The following DDHD1 variants were observed in gnomAD, a reference collection of about 807,000 sequenced individuals.
DDHD1 encodes DDHD domain containing 1, also known as phospholipase DDHD1.
Under a neutral mutation model 96.4 loss-of-function variants are expected in DDHD1, and 49 were observed. That is an observed-to-expected ratio of 0.51 (90% confidence interval 0.40 to 0.64). The LOEUF is 0.64. Among genes scored for constraint, DDHD1 ranks in the 30% least tolerant of loss-of-function variants. The pLI, the probability that DDHD1 is intolerant of heterozygous loss-of-function variation, is 0.00. For missense variants in DDHD1, 1,106 were observed against 1,161.2 expected (o/e 0.95, Z 0.69); for synonymous variants, 442 against 446.5 (o/e 0.99, Z 0.13).
At chr14:53,082,773 A>AAG (rs1555334486) in intron 4 of DDHD1, among the ~76,000 whole-genome samples, 16 of 151,662 alleles carry the variant, frequency 1.1e-4, no homozygotes, top group African/African-American at 2.4e-4. Context: ...AAAAAAAAAA[A>AAG]AAGACATGGG....
chr14:53,075,321 T>C (rs1001766580), intron 4 of DDHD1, among the ~76,000 whole-genome samples: 22 of 151,696 alleles, frequency 1.5e-4, no homozygotes, highest in African/African-American at 5.3e-4. Flanking sequence ...AATAAGAAAA[T>C]GAAAAAGCCT....
intron 11 of DDHD1, among the ~76,000 whole-genome samples, chr14:53,052,232 AG>A (rs1882651894): frequency 7.2e-5 from 11 of 152,052 alleles, no homozygotes; most frequent in Admixed American, 7.2e-4. Flanking sequence ...ATTATATGTT[AG>A]AAAAGAAGTC....
chr14:53,043,392 A>AGTGTGT lies in DDHD1; in HGVS notation c.*3370_*3375dup, dbSNP rs59747041. 0.25 allele frequency: 27,634 copies of AGTGTGT among 112,100 alleles called. 2,662 individuals are homozygous for AGTGTGT. The highest frequency in any genetic ancestry group is 0.39 in the East Asian group (1,372 of 3,548). The allele number at this position is 112,100 out of a possible 1,614,324, so 6.9% of individuals were successfully genotyped here. A position where few individuals can be genotyped will look rare whatever the true frequency, so the allele number is the denominator to read the frequency against. On this transcript the variant is annotated 3_prime_UTR_variant, in exon 13 of 13. Transcript: ENST00000673822. Reference sequence around the variant, plus strand: ...CAAAAGAGCAGTTATTAGAACATCCAGTGTGTGTGTGTGTGTGTGTGTGTG... The same window carrying AGTGTGT: ...CAAAAGAGCAGTTATTAGAACATCCAGTGTGTGTGTGTGTGTGTGTGTGTGTGTGTG...
intron 4 of DDHD1, among the ~76,000 whole-genome samples, chr14:53,083,185 C>T (rs1885643276): frequency 1.3e-5 from 2 of 151,716 alleles, no homozygotes; most frequent in South Asian, 2.1e-4. Flanking sequence ...CGGGTTTATG[C>T]CTTTTTGCTT....
Position 53,073,831 on chromosome 14 carries a change from T to G in DDHD1, c.1306A>C (p.Arg436=), listed in dbSNP as rs752988246. Residue 436 remains arginine (R), a synonymous_variant, in exon 5 of 13, where the codon AGA becomes CGA. Transcript: ENST00000673822. Reference sequence around the variant, plus strand: ...GAAAAATGCCTTTCTTCTATTTTTCTTGCAGCTTCTCTCATCCTAAAAAAA... The same window carrying G: ...GAAAAATGCCTTTCTTCTATTTTTCGTGCAGCTTCTCTCATCCTAAAAAAA... ...KNTAMMREAA[R]KIEERHFSNH... 1 of 1,611,006 alleles carries G rather than the reference T, an allele frequency of 6.2e-7. No homozygotes were observed. Among genetic ancestry groups the G allele is most frequent in the Non-Finnish European group, 8.5e-7 (1 of 1,178,240 alleles).
At chr14:53,116,844 G>C (rs887588630) in intron 1 of DDHD1, among the ~76,000 whole-genome samples, 2 of 152,146 alleles carry the variant, frequency 1.3e-5, no homozygotes, top group Non-Finnish European at 2.9e-5. Context: ...AAATTCAAAA[G>C]CTGGCAGAAG....
At chr14:53,141,312 A>G (rs1200893897) in intron 1 of DDHD1, among the ~76,000 whole-genome samples, 1 of 152,306 alleles carries the variant, frequency 6.6e-6, no homozygotes, top group Non-Finnish European at 1.5e-5. Context: ...CTGAACTGGT[A>G]ATTCTCAGAG....
At chr14:53,077,737 T>C (rs1042339471) in intron 4 of DDHD1, among the ~76,000 whole-genome samples, 2 of 151,750 alleles carry the variant, frequency 1.3e-5, no homozygotes, top group Non-Finnish European at 2.9e-5. Flanking sequence ...ATCACCATTA[T>C]CTAATTTCAT....
intron 1 of DDHD1, among the ~76,000 whole-genome samples, chr14:53,122,810 G>A (rs1293819836): frequency 6.6e-6 from 1 of 151,566 alleles, no homozygotes; most frequent in Non-Finnish European, 1.5e-5. Context: ...CTTGTGATCT[G>A]CCCACCTCAG....
intron 1 of DDHD1, 148 bp downstream of exon 1, chr14:53,152,113 G>GAGT: frequency 7.2e-6 from 6 of 833,742 alleles, no homozygotes; most frequent in East Asian, 5.6e-5. Flanking sequence ...AGCTGCCGAC[G>GAGT]CTCCCTGCTC....
At chr14:53,138,070 C>T (rs1312367323) in intron 1 of DDHD1, among the ~76,000 whole-genome samples, 1 of 152,146 alleles carries the variant, frequency 6.6e-6, no homozygotes, top group African/African-American at 2.4e-5. Flanking sequence ...TCTTTCAAAA[C>T]TAAGAGAAAT....
At chr14:53,119,722 A>G (rs1424083089) in intron 1 of DDHD1, among the ~76,000 whole-genome samples, 2 of 152,228 alleles carry the variant, frequency 1.3e-5, no homozygotes, top group Non-Finnish European at 2.9e-5. Flanking sequence ...ATCTCAATCG[A>G]TGCAGAAACG....
At chr14:53,119,641 G>T (rs1274641768) in intron 1 of DDHD1, among the ~76,000 whole-genome samples, 1 of 152,186 alleles carries the variant, frequency 6.6e-6, no homozygotes, top group African/African-American at 2.4e-5. Context: ...ATGCAAGTCT[G>T]GTTCAACACA....
chr14:53,149,295 C>T lies in DDHD1; in HGVS notation c.838+2966G>A, dbSNP rs191949150. 1.2e-4 allele frequency among the ~76,000 whole-genome samples: 18 copies of T among 152,278 alleles called. No homozygotes were observed. The East Asian group carries it at 2.7e-3, about 23-fold the overall frequency. ...AATTAGGCCACAAAAATCTAAATGG[C>T]CAATGGATTCATACCACCATTCTAC... On this transcript the variant is annotated intron_variant, in intron 1 of 12. Transcript: ENST00000673822.
rs973574548 is a variant in DDHD1 at position 53,153,087 on chromosome 14, C to T, written c.12G>A (p.Pro4=). 6 of 1,435,662 alleles carry T rather than the reference C, an allele frequency of 4.2e-6. No homozygotes were observed. Among genetic ancestry groups the T allele is most frequent in the Non-Finnish European group, 4.5e-6 (5 of 1,107,720 alleles). The allele number at this position is 1,435,662 out of a possible 1,614,324, so 88.9% of individuals were successfully genotyped here. A position where few individuals can be genotyped will look rare whatever the true frequency, so the allele number is the denominator to read the frequency against. ...CGGGGCTCCGTGGGGACCCGCGGCC[C>T]GGGTAATTCATGCTGTGGAGACGCC... MNY[P]GRGSPRSPEH... is the part of the protein sequence containing the mutation. The change falls in exon 1 of 13, where the codon CCG becomes CCA. Residue 4 remains proline, a synonymous_variant. Coordinates refer to ENST00000673822, the MANE Select transcript of DDHD1 (RefSeq NM_001160148.2).
chr14:53,127,546 G>C (rs1441897302), intron 1 of DDHD1, among the ~76,000 whole-genome samples: 1 of 152,204 alleles, frequency 6.6e-6, no homozygotes, highest in East Asian at 1.9e-4. Flanking sequence ...AAATCCACAT[G>C]CAGTAGTTAC....
chr14:53,110,787 C>A (rs546802372), intron 1 of DDHD1, among the ~76,000 whole-genome samples: 29 of 152,116 alleles, frequency 1.9e-4, no homozygotes, highest in African/African-American at 7.0e-4. Context: ...ACTAGCCTGG[C>A]CAACATGGTG....
chr14:53,055,723 G>A lies in DDHD1; in HGVS notation c.2182C>T (p.Pro728Ser). ...CCATAGTGTCGGCGGGACAAAACTG[G>A]TGAGGTCACAGGGCTTGGTATGGTT... ...ISTIPSPVTS[P>S]VLSRRHYGES... is the part of the protein sequence containing the mutation. The change falls in exon 10 of 13, where the codon CCA becomes TCA. Residue 728 changes from proline (P) to serine (S), a missense_variant. By Grantham distance (74) the Pro-to-Ser change is moderately conservative. Transcript: ENST00000673822. 1 of 1,614,042 alleles carries A rather than the reference G, an allele frequency of 6.2e-7. No homozygotes were observed. Among genetic ancestry groups the A allele is most frequent in the Non-Finnish European group, 8.5e-7 (1 of 1,179,952 alleles).
In DDHD1 at chr14:53,152,498, T is replaced by C. The variant is rs1317228475; in HGVS notation, c.601A>G (p.Thr201Ala). Residue 201 changes from threonine to alanine, a missense_variant, in exon 1 of 13, where the codon ACG (threonine) becomes GCG (alanine). Coordinates refer to ENST00000673822, the MANE Select transcript of DDHD1 (RefSeq NM_001160148.2). ...ELAFRTLLQTTGARPQGGDRD... is the reference protein window; with the variant it reads ...ELAFRTLLQTAGARPQGGDRD... ...TCCCCGCCCTGGGGCCGGGCACCCG[T>C]GGTCTGCAGCAGGGTCCGGAAGGCG... 1.2e-6 allele frequency: 2 copies of C among 1,612,878 alleles called. No homozygotes were observed. The highest frequency in any genetic ancestry group is 1.7e-5 in the Admixed American group (1 of 59,942).
Sources: gnomAD v4.1 joint callset for allele counts (sites outside exome capture counted in the v4.1 genomes callset) on GRCh38, gnomAD v4.1.1 for gene constraint, MANE v1.5 for transcripts, NCBI Gene and HGNC (gene_info 2026-07-23, HGNC 2026-07-21) for gene names.